RANBP2: variants seen among roughly 807,000 people sequenced by gnomAD.
RANBP2 encodes RAN binding protein 2.
A neutral mutation model predicts 303.6 loss-of-function variants in RANBP2; 57 were observed. That is an observed-to-expected ratio of 0.19 (90% confidence interval 0.15 to 0.23). The LOEUF is 0.23. RANBP2 is among the 10% of genes least tolerant of loss of function. The probability of loss-of-function intolerance (pLI) is 1.00; values close to 1 mark genes in which losing one functional copy is unlikely to be tolerated. For synonymous variants in RANBP2, 1,167 were observed against 1,301.5 expected (o/e 0.90, Z 2.23); for missense variants, 3,138 against 3,780.8 (o/e 0.83, Z 4.46).
At chr2:109,454,538 G>T in the RANBP2 span, among the ~76,000 whole-genome samples, 3 of 152,168 alleles carry the variant, frequency 2.0e-5, no homozygotes, top group African/African-American at 7.2e-5. Flanking sequence ...CCGGCTGCCT[G>T]ACTTCTGTGG....
At chr2:109,315,844 C>A in the RANBP2 span, among the ~76,000 whole-genome samples, 1 of 152,196 alleles carries the variant, frequency 6.6e-6, no homozygotes, top group African/African-American at 2.4e-5. Context: ...TTTGATCTTA[C>A]CTGTCAGGAC....
the RANBP2 span, among the ~76,000 whole-genome samples, chr2:109,277,385 C>T: frequency 1.3e-5 from 2 of 152,270 alleles, no homozygotes; most frequent in African/African-American, 2.4e-5. Context: ...TGACCCCGGC[C>T]TCGGTGATGG....
At chr2:109,212,988 C>G in the RANBP2 span, among the ~76,000 whole-genome samples, 1 of 152,170 alleles carries the variant, frequency 6.6e-6, no homozygotes, top group East Asian at 1.9e-4. Context: ...CAGGGAAGCC[C>G]TGTGCTGAGC....
At chr2:109,484,966 A>T in the RANBP2 span, among the ~76,000 whole-genome samples, 1 of 152,216 alleles carries the variant, frequency 6.6e-6, no homozygotes, top group African/African-American at 2.4e-5. Context: ...ATTGTGTTCA[A>T]TCCTTTATTC....
the RANBP2 span, chr2:109,564,450 TGG>T: frequency 6.2e-7 from 1 of 1,600,292 alleles, no homozygotes; most frequent in East Asian, 2.2e-5. Flanking sequence ...GTGCCTGGTA[TGG>T]GTCTGCTCTC....
chr2:108,976,448 C>T, the RANBP2 span, among the ~76,000 whole-genome samples: 2 of 152,298 alleles, frequency 1.3e-5, no homozygotes, highest in African/African-American at 4.8e-5. Flanking sequence ...GAAGCAGTGA[C>T]TGGCAGGATT....
At chr2:108,839,290 G>T in the RANBP2 span, 1 of 1,610,640 alleles carries the variant, frequency 6.2e-7, no homozygotes, top group Non-Finnish European at 8.5e-7. Context: ...GCAGCTAGAT[G>T]CTGGAGCACA....
the RANBP2 span, among the ~76,000 whole-genome samples, chr2:109,264,151 C>T: frequency 1.9e-3 from 285 of 147,492 alleles, 1 homozygote; most frequent in African/African-American, 6.8e-3. Flanking sequence ...CTGTGGGTGC[C>T]CCCCATCCAC....
chr2:109,593,920 AGTTT>A, the RANBP2 span, among the ~76,000 whole-genome samples: 1 of 152,202 alleles, frequency 6.6e-6, no homozygotes, highest in East Asian at 1.9e-4. Flanking sequence ...TAGCTCATTA[AGTTT>A]ATTTTCTTAT....
At chr2:108,770,923 G>A (rs1677453377) in intron 20 of RANBP2, among the ~76,000 whole-genome samples, 1 of 152,074 alleles carries the variant, frequency 6.6e-6, no homozygotes, top group South Asian at 2.1e-4. Context: ...GGACACCATA[G>A]CTCTCAGAAT....
the RANBP2 span, among the ~76,000 whole-genome samples, chr2:109,522,275 C>CT: frequency 1.3e-4 from 19 of 146,864 alleles, no homozygotes; most frequent in African/African-American, 2.6e-4. Flanking sequence ...GTTCTCTTTT[C>CT]TTTTTTTTAA....
At chr2:109,540,609 G>C in the RANBP2 span, among the ~76,000 whole-genome samples, 1 of 149,568 alleles carries the variant, frequency 6.7e-6, no homozygotes, top group Non-Finnish European at 1.5e-5. Flanking sequence ...AGGATCACTT[G>C]AGGCCAGGAG....
chr2:109,056,163 G>C, the RANBP2 span, among the ~76,000 whole-genome samples: 1 of 151,828 alleles, frequency 6.6e-6, no homozygotes, highest in African/African-American at 2.4e-5. Context: ...TTTTTAGGGG[G>C]TGGGGGAAGA....
the RANBP2 span, among the ~76,000 whole-genome samples, chr2:109,043,634 C>T: frequency 6.6e-6 from 1 of 152,044 alleles, no homozygotes; most frequent in Non-Finnish European, 1.5e-5. Flanking sequence ...CGTGCCTGGC[C>T]CGAATGTATT....
the RANBP2 span, chr2:108,816,127 A>G: frequency 1.0e-5 from 16 of 1,541,798 alleles, no homozygotes; most frequent in Admixed American, 1.4e-4. Flanking sequence ...AATTTGAAAT[A>G]TGTGATTCAG....
chr2:109,561,138 A>C, the RANBP2 span, among the ~76,000 whole-genome samples: 6 of 152,060 alleles, frequency 3.9e-5, no homozygotes, highest in Non-Finnish European at 8.8e-5. Context: ...CTCTTCTCTC[A>C]TCTCACGTGA....
chr2:109,596,384 G>A, the RANBP2 span, among the ~76,000 whole-genome samples: 3 of 152,068 alleles, frequency 2.0e-5, no homozygotes, highest in East Asian at 3.9e-4. Flanking sequence ...TTGGGAGGCC[G>A]AGGTGGGTGG....
the RANBP2 span, among the ~76,000 whole-genome samples, chr2:108,817,520 C>T: frequency 0.8 from 121,146 of 151,988 alleles, 48,610 homozygotes; most frequent in East Asian, 0.95. Flanking sequence ...CTTGATCTCT[C>T]GACCTCGTGA....
the RANBP2 span, among the ~76,000 whole-genome samples, chr2:109,169,860 T>C: frequency 1.3e-5 from 2 of 152,088 alleles, no homozygotes; most frequent in Non-Finnish European, 2.9e-5. Flanking sequence ...AGAACTTCCA[T>C]GAACACAGAT....
Sources: allele counts gnomAD v4.1 joint callset (sites outside exome capture counted in the v4.1 genomes callset), GRCh38; gene constraint gnomAD v4.1.1; transcripts MANE v1.5; gene names NCBI Gene and HGNC (gene_info 2026-07-23, HGNC 2026-07-21).